The following DMD variants were observed in gnomAD, a reference collection of about 807,000 sequenced individuals.
The protein encoded by DMD is dystrophin.
DMD carries 63 observed loss-of-function variants against 330.1 expected under a neutral mutation model. The ratio of observed to expected loss-of-function variants is 0.19; its 90% confidence interval spans 0.16 to 0.24. DMD has a LOEUF of 0.24. DMD is among the 10% of genes least tolerant of loss of function. The probability of loss-of-function intolerance (pLI) is 1.00; values close to 1 mark genes in which losing one functional copy is unlikely to be tolerated. For missense variants in DMD, 3,344 were observed against 2,684.1 expected, an observed-to-expected ratio of 1.25 and a Z score of -5.43; for synonymous variants, 1,223 against 959.8, an observed-to-expected ratio of 1.27 and a Z score of -5.07.
At chrX:32,970,942 G>A (rs35268904) in intron 2 of DMD, among the ~76,000 whole-genome samples, 8,576 of 102,443 alleles carry the variant, frequency 0.084, 1,811 homozygotes, top group East Asian at 0.26. Context: ...ATTATTTACT[G>A]GGTTTCTTCT....
At chrX:31,635,535 A>G in intron 54 of DMD, among the ~76,000 whole-genome samples, 1 of 111,894 alleles carries the variant, frequency 8.9e-6, no homozygotes, top group Non-Finnish European at 1.9e-5. Context: ...AGGCAGGTTC[A>G]GTTTTCTAAT....
intron 55 of DMD, among the ~76,000 whole-genome samples, chrX:31,586,677 T>C (rs904428001): frequency 1.8e-5 from 2 of 112,433 alleles, no homozygotes; most frequent in Non-Finnish European, 3.8e-5. Context: ...GTTGTCACCA[T>C]ACAGTTCCTA....
At chrX:31,863,065 C>T (rs2149613953) in intron 48 of DMD, among the ~76,000 whole-genome samples, 1 of 113,012 alleles carries the variant, frequency 8.8e-6, no homozygotes, top group African/African-American at 3.2e-5. Flanking sequence ...ATGTTGCGGC[C>T]GGGTGAGGTG....
chrX:32,946,999 G>C (rs748099088), intron 2 of DMD, among the ~76,000 whole-genome samples: 30 of 112,291 alleles, frequency 2.7e-4, no homozygotes, highest in Non-Finnish European at 5.3e-4. Flanking sequence ...GTGTTTCTAA[G>C]ATTAAAACTT....
intron 9 of DMD, among the ~76,000 whole-genome samples, chrX:32,688,397 T>A (rs929675175): frequency 1.7e-4 from 19 of 112,515 alleles, no homozygotes; most frequent in Admixed American, 1.1e-3. Flanking sequence ...AAAAATGGAC[T>A]TTCATTCTAC....
At chrX:32,407,899 C>A (rs774411797) in intron 30 of DMD, among the ~76,000 whole-genome samples, 1 of 98,842 alleles carries the variant, frequency 1.0e-5, no homozygotes, top group South Asian at 5.0e-4. Context: ...CGCATGTTCT[C>A]ACTCATAGGT....
intron 60 of DMD, among the ~76,000 whole-genome samples, chrX:31,371,639 A>C (rs2059576154): frequency 9.0e-6 from 1 of 111,251 alleles, no homozygotes; most frequent in African/African-American, 3.3e-5. Context: ...ATCTGGATTG[A>C]GGGAATCCTT....
chrX:32,198,355 TTTTCTAAC>T (rs1203912900), intron 44 of DMD, among the ~76,000 whole-genome samples: 1 of 111,665 alleles, frequency 9.0e-6, no homozygotes, highest in Non-Finnish European at 1.9e-5. Context: ...GGTAGCGTTG[TTTTCTAAC>T]AAACTCCTCA....
chrX:32,389,985 T>C, intron 31 of DMD, 86 bp downstream of exon 31: 2 of 760,044 alleles, frequency 2.6e-6, no homozygotes, highest in South Asian at 2.1e-5. Flanking sequence ...TCAAATCCAA[T>C]CTTGCCAATA....
chrX:32,229,154 T>A (rs759316537), intron 43 of DMD, among the ~76,000 whole-genome samples: 61 of 110,864 alleles, frequency 5.5e-4, no homozygotes, highest in African/African-American at 2.0e-3. Flanking sequence ...AGAGAAAAAA[T>A]CCTACTTCTC....
At chrX:31,890,365 A>AT (rs893147657) in intron 47 of DMD, among the ~76,000 whole-genome samples, 1 of 109,999 alleles carries the variant, frequency 9.1e-6, no homozygotes, top group Non-Finnish European at 1.9e-5. Flanking sequence ...CAAAACAAAA[A>AT]AAAAAAGAAG....
intron 52 of DMD, among the ~76,000 whole-genome samples, chrX:31,702,325 C>A (rs2083870225): frequency 8.9e-6 from 1 of 111,923 alleles, no homozygotes; most frequent in Non-Finnish European, 1.9e-5. Context: ...GTCTCTTGAA[C>A]TCTGTATCCA....
chrX:32,656,640 A>G (rs757587134), intron 9 of DMD, among the ~76,000 whole-genome samples: 12 of 111,920 alleles, frequency 1.1e-4, no homozygotes, highest in African/African-American at 3.6e-4. Context: ...TCTCTAAAAC[A>G]TACTCTCAAT....
At position 31,175,871 on chromosome X, in the gene DMD, T is replaced by C. The variant is rs139992384; in HGVS notation, c.10262+2061A>G. Among the ~76,000 whole-genome samples the C allele has an allele frequency of 2.3e-3, 262 of 111,492 alleles. 1 individual carries two copies. Among genetic ancestry groups the C allele is most frequent in the Middle Eastern group, 0.014 (3 of 219 alleles). On this transcript the variant is annotated intron_variant, in intron 71 of 78. Coordinates refer to ENST00000357033, the MANE Select transcript of DMD (RefSeq NM_004006.3). Reference sequence around the variant, plus strand: ...GAATATCGTTTGACTGGCTCACTTATGGACAGACAACGTAAAGGCCTATGT... The same window carrying C: ...GAATATCGTTTGACTGGCTCACTTACGGACAGACAACGTAAAGGCCTATGT...
At chrX:32,258,651 C>T (rs940022811) in intron 43 of DMD, among the ~76,000 whole-genome samples, 22 of 108,757 alleles carry the variant, frequency 2.0e-4, no homozygotes, top group Admixed American at 9.9e-5. Flanking sequence ...CATCACACAC[C>T]GGGGCCTCTC....
At chrX:32,421,899 T>C (rs1040012704) in intron 29 of DMD, among the ~76,000 whole-genome samples, 1 of 111,819 alleles carries the variant, frequency 8.9e-6, no homozygotes, top group African/African-American at 3.2e-5. Flanking sequence ...GAAGTATCTG[T>C]TCCGTCAACA....
At chrX:32,147,516 C>G (rs1375165323) in intron 44 of DMD, among the ~76,000 whole-genome samples, 1 of 111,347 alleles carries the variant, frequency 9.0e-6, no homozygotes, top group Non-Finnish European at 1.9e-5. Context: ...TCCCATATTC[C>G]TATTAAATAG....
chrX:33,125,803 G>T (rs998921161), intron 1 of DMD, among the ~76,000 whole-genome samples: 1 of 111,679 alleles, frequency 9.0e-6, no homozygotes, highest in African/African-American at 3.2e-5. Context: ...TTGATGTATA[G>T]TATAGATTCA....
chrX:33,094,518 G>A (rs989067043), intron 1 of DMD, among the ~76,000 whole-genome samples: 1 of 111,870 alleles, frequency 8.9e-6, no homozygotes, highest in Non-Finnish European at 1.9e-5. Flanking sequence ...TTAAGAAAGA[G>A]CAAGAAGGCC....
Sources: allele counts gnomAD v4.1 joint callset (sites outside exome capture counted in the v4.1 genomes callset), GRCh38; gene constraint gnomAD v4.1.1; transcripts MANE v1.5; gene names NCBI Gene and HGNC (gene_info 2026-07-23, HGNC 2026-07-21).